Variants in SAP30BP observed in about 807,000 individuals in gnomAD.
SAP30BP encodes SAP30-binding protein.
In SAP30BP, 31 loss-of-function variants were observed where a neutral mutation model predicts 46.3. The ratio of observed to expected loss-of-function variants is 0.67; its 90% CI spans 0.50 to 0.90. SAP30BP has a LOEUF of 0.90. Among genes scored for constraint, SAP30BP ranks in the 40% least tolerant of loss-of-function variants. The probability of loss-of-function intolerance (pLI) is 0.00; values close to 1 mark genes in which losing one functional copy is unlikely to be tolerated. For missense variants in SAP30BP, 312 were observed against 391.0 expected, an observed-to-expected ratio of 0.80 and a Z score of 1.70; for synonymous variants, 169 against 144.2, an observed-to-expected ratio of 1.17 and a Z score of -1.23.
chr17:75,704,039 C>T (rs1023263274), intron 8 of SAP30BP, among the ~76,000 whole-genome samples, 180 bp downstream of exon 8: 8 of 117,924 alleles, frequency 6.8e-5, no homozygotes, highest in Admixed American at 1.7e-4. Context: ...AGGCTTATGC[C>T]ACAGCAAAGA....
At chr17:75,689,435 A>T (rs1176622885) in intron 3 of SAP30BP, among the ~76,000 whole-genome samples, 2 of 152,082 alleles carry the variant, frequency 1.3e-5, no homozygotes, top group African/African-American at 2.4e-5. Flanking sequence ...GGGGCTGAAG[A>T]GGTGGGCCTA....
chr17:75,668,618 G>A lies in SAP30BP; in HGVS notation c.209G>A (p.Arg70Lys), dbSNP rs1196095253. 1.9e-6 allele frequency: 3 copies of A among 1,589,424 alleles called. No homozygotes were observed. The highest frequency in any genetic ancestry group is 2.6e-6 in the Non-Finnish European group (3 of 1,165,578). ...GYEEEEDENS[R>K]QSEDDDSETE... ...GAAGAAGAAGAAGATGAGAACAGTA[G>A]ACAGTCGGTAGGTAAATCTCCCAGA... is the stretch of plus-strand genomic sequence containing the variant. The change falls in exon 2 of 11, where the codon AGA becomes AAA. Residue 70 changes from arginine to lysine, a missense_variant. Physicochemically the swap from Arg to Lys is conservative, Grantham distance 26. Around this residue, in one of 2 missense-constraint regions of SAP30BP, gnomAD observed 296 missense variants for 346.6 expected, o/e 0.85. Transcript: ENST00000584667.
At chr17:75,671,378 T>C (rs1296855869) in intron 2 of SAP30BP, among the ~76,000 whole-genome samples, 1 of 152,158 alleles carries the variant, frequency 6.6e-6, no homozygotes, top group African/African-American at 2.4e-5. Context: ...TAGGTCCGAG[T>C]CTGATGTACA....
Position 75,677,610 on chromosome 17 carries a change from T to A in SAP30BP, c.264+5747T>A, listed in dbSNP as rs1425664013. On this transcript the variant is annotated intron_variant, in intron 3 of 10. Coordinates refer to ENST00000584667, the MANE Select transcript of SAP30BP (RefSeq NM_013260.8). ...CCGTGCCTGACTAATTTTTGTATTT[T>A]TTTTTTTTTTTTTTTGGTAGAGTTG... Among the ~76,000 whole-genome samples, 4 of 148,574 alleles carry A rather than the reference T, an allele frequency of 2.7e-5. No individual in the cohort carries two copies. In the East Asian group the frequency reaches 7.8e-4, roughly 29 times the overall value.
In SAP30BP at chr17:75,667,464, T is replaced by C. The variant is rs750537750; in HGVS notation, c.92T>C (p.Val31Ala). Residue 31 changes from valine (V) to alanine (A), a missense_variant, in exon 1 of 11, where the codon GTG becomes GCG. By Grantham distance (64) the Val-to-Ala change is moderately conservative (BLOSUM62 0). Around this residue, in one of 2 missense-constraint regions of SAP30BP, gnomAD observed 296 missense variants for 346.6 expected, o/e 0.85. Coordinates refer to ENST00000584667, the MANE Select transcript of SAP30BP (RefSeq NM_013260.8). ...ESDGEAGIEA[V>A]GSAAEEKGGL... ...GATGGCGAGGCTGGAATCGAGGCGG[T>C]GGGCAGCGCGGCTGGTAAGGCCCAA... The C allele has an allele frequency of 6.2e-7, 1 of 1,614,026 alleles. No homozygotes were observed. The highest frequency in any genetic ancestry group is 8.5e-7 in the Non-Finnish European group (1 of 1,179,996).
intron 3 of SAP30BP, among the ~76,000 whole-genome samples, chr17:75,674,659 TCTG>T (rs1232338844): frequency 6.6e-6 from 1 of 151,722 alleles, no homozygotes; most frequent in Non-Finnish European, 1.5e-5. Flanking sequence ...TTTTGGACAT[TCTG>T]CTTTAAGCAT....
chr17:75,689,262 A>G (rs554472618), intron 3 of SAP30BP, among the ~76,000 whole-genome samples: 2 of 150,438 alleles, frequency 1.3e-5, no homozygotes, highest in African/African-American at 2.5e-5. Context: ...GATTACAGGC[A>G]TGCACCACCA....
chr17:75,706,171 A>C lies in SAP30BP; in HGVS notation c.745+79A>C. 1 of 1,571,806 alleles carries C rather than the reference A, an allele frequency of 6.4e-7. No individual in the cohort carries two copies. Among genetic ancestry groups the C allele is most frequent in the South Asian group, 1.1e-5 (1 of 88,004 alleles). Reference sequence around the variant, plus strand: ...CTGGCTTGTTTGGGCGACAGACAGCACGTGGATCTGGGCCTGGGCTCAGCC... The same window carrying C: ...CTGGCTTGTTTGGGCGACAGACAGCCCGTGGATCTGGGCCTGGGCTCAGCC... On this transcript the variant is annotated intron_variant, in intron 10 of 10. Transcript: ENST00000584667. The surrounding 1 kb of genome is among the most constrained non-coding windows in gnomAD (Gnocchi z 4.6).
chr17:75,678,353 A>T (rs1406611032), intron 3 of SAP30BP, among the ~76,000 whole-genome samples: 1 of 152,106 alleles, frequency 6.6e-6, no homozygotes, highest in Non-Finnish European at 1.5e-5. Context: ...AAATCATCTT[A>T]TGATACTTGA....
chr17:75,699,295 C>T (rs1323304447), intron 4 of SAP30BP, among the ~76,000 whole-genome samples: 1 of 152,154 alleles, frequency 6.6e-6, no homozygotes, highest in African/African-American at 2.4e-5. Context: ...CCACCACCTT[C>T]GGGTTCAAGC....
chr17:75,694,509 C>T (rs1418870174), intron 4 of SAP30BP, among the ~76,000 whole-genome samples: 1 of 152,202 alleles, frequency 6.6e-6, no homozygotes, highest in Non-Finnish European at 1.5e-5. Context: ...CTATAAAAAC[C>T]AAGATTTTCC....
In SAP30BP at chr17:75,706,201, T is replaced by C. The variant is rs1027221834; in HGVS notation, c.745+109T>C. 7 of 1,556,352 alleles carry C rather than the reference T, an allele frequency of 4.5e-6. No individual in the cohort carries two copies. The African/African-American group carries it at 6.8e-5, about 15-fold the overall frequency. The stretch of plus-strand genomic sequence containing the variant: ...GATCTGGGCCTGGGCTCAGCCTTGC[T>C]ACTTTGAGAAGCACCTTTGGAGTCT... On this transcript the variant is annotated intron_variant, in intron 10 of 10. Coordinates refer to ENST00000584667, the MANE Select transcript of SAP30BP (RefSeq NM_013260.8). This position sits in a 1 kb window ranked among gnomAD's most constrained non-coding sequence, Gnocchi z 4.6.
chr17:75,706,777 C>G lies in SAP30BP; in HGVS notation c.*256C>G. The G allele has an allele frequency of 1.9e-6, 1 of 531,032 alleles. No homozygotes were observed. The highest frequency in any genetic ancestry group is 2.4e-5 in the South Asian group (1 of 42,446). The allele number at this position is 531,032 out of a possible 1,614,324, so 32.9% of individuals were successfully genotyped here. A position where few individuals can be genotyped will look rare whatever the true frequency, so the allele number is the denominator to read the frequency against. On this transcript the variant is annotated 3_prime_UTR_variant, in exon 11 of 11. Transcript: ENST00000584667. This position sits in a 1 kb window ranked among gnomAD's most constrained non-coding sequence, Gnocchi z 4.6. ...TTCTTACCTCTTGGCATCTCAGATGCACTGGCCTCTCCTGCATTCTGTTTG... is the reference window on the plus strand; with the variant it reads ...TTCTTACCTCTTGGCATCTCAGATGGACTGGCCTCTCCTGCATTCTGTTTG...
intron 4 of SAP30BP, among the ~76,000 whole-genome samples, chr17:75,698,218 A>G (rs1419455670): frequency 6.6e-6 from 1 of 152,232 alleles, no homozygotes; most frequent in Non-Finnish European, 1.5e-5. Flanking sequence ...TCTCTAAGGA[A>G]ATTGTCCCCT....
At chr17:75,705,679 C>T (rs1358281040) in intron 9 of SAP30BP, 11 of 1,134,396 alleles carry the variant, frequency 9.7e-6, no homozygotes, top group Middle Eastern at 4.0e-4. Flanking sequence ...GGGCGGGCAC[C>T]GCCTCCTCCT....
At position 75,704,834 on chromosome 17, in the gene SAP30BP, C is replaced by T. The variant is rs1285810425; in HGVS notation, c.660+20C>T. ...ACAAAAGTAAGTGATGGCAGACCTC[C>T]TAGATGAAAAAGGCACATGTGGAGT... On this transcript the variant is annotated intron_variant, in intron 9 of 10. Transcript: ENST00000584667. The T allele has an allele frequency of 3.1e-6, 5 of 1,604,678 alleles. 1 individual carries two copies. In the South Asian group the frequency reaches 4.4e-5, roughly 14 times the overall value.
chr17:75,705,787 G>T, intron 9 of SAP30BP: 1 of 1,018,168 alleles, frequency 9.8e-7, no homozygotes. Context: ...TGGTGATGCC[G>T]GGAGGGATAC....
At chr17:75,702,087 A>G (rs1206912496) in intron 5 of SAP30BP, among the ~76,000 whole-genome samples, 3 of 152,140 alleles carry the variant, frequency 2.0e-5, no homozygotes, top group Non-Finnish European at 4.4e-5. Flanking sequence ...CAGTGGCATG[A>G]TCTCAGCTCA....
At chr17:75,692,667 C>G (rs941519894) in intron 3 of SAP30BP, 2 of 232,454 alleles carry the variant, frequency 8.6e-6, no homozygotes, top group African/African-American at 4.7e-5. Context: ...CAGAAAACGT[C>G]TAAGAAGCCT....
Sources: allele counts gnomAD v4.1 joint callset (sites outside exome capture counted in the v4.1 genomes callset), GRCh38; gene constraint gnomAD v4.1.1; regional missense constraint gnomAD v4.1.1; non-coding constraint Gnocchi (gnomAD v3.1); transcripts MANE v1.5; gene names NCBI Gene and HGNC (gene_info 2026-07-23, HGNC 2026-07-21).